TENM4: variants seen among roughly 807,000 people sequenced by gnomAD.
The protein encoded by TENM4 is teneurin transmembrane protein 4, also known as teneurin-4.
A neutral mutation model predicts 243.3 loss-of-function variants in TENM4; 82 were observed. That is an observed-to-expected ratio of 0.34 (90% CI 0.28 to 0.40). The LOEUF (loss-of-function observed/expected upper bound fraction) is 0.40. TENM4 is among the 10% of genes least tolerant of loss of function. The pLI, the probability that TENM4 is intolerant of heterozygous loss-of-function variation, is 1.00. For missense variants in TENM4, 3,138 were observed against 3,673.3 expected (o/e 0.85, Z 3.77); for synonymous variants, 1,412 against 1,456.3 (o/e 0.97, Z 0.69).
chr11:78,843,269 ACT>A (rs1481705871), intron 12 of TENM4, among the ~76,000 whole-genome samples: 3 of 151,632 alleles, frequency 2.0e-5, no homozygotes, highest in African/African-American at 4.9e-5. Context: ...CAAGAATGAG[ACT>A]CTGTCTCAAA....
intron 6 of TENM4, among the ~76,000 whole-genome samples, chr11:79,054,209 G>A: frequency 6.6e-6 from 1 of 152,152 alleles, no homozygotes; most frequent in Non-Finnish European, 1.5e-5. Flanking sequence ...AGGGAACTGG[G>A]AGAGGAGAGA....
intron 4 of TENM4, among the ~76,000 whole-genome samples, chr11:79,125,232 T>C (rs1164536604): frequency 6.6e-6 from 1 of 152,136 alleles, no homozygotes; most frequent in Admixed American, 6.5e-5. Context: ...CCTAATACTT[T>C]TGAACATATG....
At chr11:78,757,452 C>T (rs1432435223) in intron 18 of TENM4, among the ~76,000 whole-genome samples, 1 of 152,224 alleles carries the variant, frequency 6.6e-6, no homozygotes, top group Non-Finnish European at 1.5e-5. Context: ...GTTTGAATTT[C>T]ACCCTCAGAA....
intron 10 of TENM4, among the ~76,000 whole-genome samples, chr11:78,858,662 T>C (rs1296313557): frequency 6.6e-6 from 1 of 152,212 alleles, no homozygotes; most frequent in Non-Finnish European, 1.5e-5. Flanking sequence ...CACAAAGCTG[T>C]GAGCACTAGG....
chr11:78,765,503 A>C (rs1455901819), intron 18 of TENM4, among the ~76,000 whole-genome samples: 2 of 152,230 alleles, frequency 1.3e-5, no homozygotes, highest in African/African-American at 4.8e-5. Context: ...TATCTATTGC[A>C]ACCCATGATT....
chr11:79,015,015 C>G (rs1208848443), intron 6 of TENM4, among the ~76,000 whole-genome samples: 1 of 152,220 alleles, frequency 6.6e-6, no homozygotes, highest in African/African-American at 2.4e-5. Context: ...TCTCCAGGCC[C>G]TGGCAGAGGG....
intron 10 of TENM4, among the ~76,000 whole-genome samples, chr11:78,857,571 G>C (rs1279168378): frequency 6.6e-6 from 1 of 152,088 alleles, no homozygotes; most frequent in African/African-American, 2.4e-5. Context: ...CAGGTTTTTA[G>C]CTTCAAACTG....
At chr11:79,197,518 A>G (rs1428102496) in intron 3 of TENM4, among the ~76,000 whole-genome samples, 1 of 152,110 alleles carries the variant, frequency 6.6e-6, no homozygotes. Flanking sequence ...CTGACCCCCA[A>G]GTTCACAAGT....
intron 1 of TENM4, among the ~76,000 whole-genome samples, chr11:79,381,125 C>A (rs1014692582): frequency 6.6e-6 from 1 of 152,062 alleles, no homozygotes; most frequent in African/African-American, 2.4e-5. Flanking sequence ...GGTCAGATAG[C>A]CCTTCTGACC....
chr11:78,942,798 T>G (rs886384421), intron 6 of TENM4, among the ~76,000 whole-genome samples: 1 of 145,980 alleles, frequency 6.9e-6, no homozygotes, highest in East Asian at 1.9e-4. Context: ...TTTATTATCC[T>G]TATTTCATGA....
chr11:78,830,298 G>A (rs1383769460), intron 12 of TENM4, among the ~76,000 whole-genome samples: 1 of 151,890 alleles, frequency 6.6e-6, no homozygotes, highest in Non-Finnish European at 1.5e-5. Context: ...CATGACCAGG[G>A]AGGCTGTTCT....
At chr11:78,899,861 A>T (rs1193947140) in intron 7 of TENM4, among the ~76,000 whole-genome samples, 1 of 152,142 alleles carries the variant, frequency 6.6e-6, no homozygotes, top group Non-Finnish European at 1.5e-5. Flanking sequence ...TGCTTGTGTC[A>T]TATTTCTTGT....
intron 10 of TENM4, among the ~76,000 whole-genome samples, chr11:78,861,246 A>G (rs968951590): frequency 6.6e-6 from 1 of 152,256 alleles, no homozygotes; most frequent in Non-Finnish European, 1.5e-5. Context: ...GGTTACTTAC[A>G]TGATTCTATT....
chr11:79,437,422 G>A (rs565500419), intron 1 of TENM4, among the ~76,000 whole-genome samples: 2 of 152,244 alleles, frequency 1.3e-5, no homozygotes, highest in South Asian at 2.1e-4. Context: ...GGAGAAAGGC[G>A]CGGCCGGGAC....
intron 28 of TENM4, among the ~76,000 whole-genome samples, chr11:78,689,842 T>C (rs1012355675): frequency 6.6e-6 from 1 of 152,238 alleles, no homozygotes; most frequent in Admixed American, 6.5e-5. Flanking sequence ...GAGGCATTGG[T>C]AGAGGTCTTC....
At chr11:79,367,588 A>G (rs969348899) in intron 1 of TENM4, among the ~76,000 whole-genome samples, 1 of 152,206 alleles carries the variant, frequency 6.6e-6, no homozygotes, top group African/African-American at 2.4e-5. Flanking sequence ...AAAGGAAAAA[A>G]TATATTATTA....
At chr11:78,758,216 C>T (rs1222934902) in intron 18 of TENM4, among the ~76,000 whole-genome samples, 1 of 152,198 alleles carries the variant, frequency 6.6e-6, no homozygotes, top group Non-Finnish European at 1.5e-5. Flanking sequence ...CTTTGGGAAA[C>T]TTCCTCACCA....
At chr11:79,102,137 T>G (rs1861247920) in intron 4 of TENM4, among the ~76,000 whole-genome samples, 1 of 152,236 alleles carries the variant, frequency 6.6e-6, no homozygotes, top group South Asian at 2.1e-4. Flanking sequence ...TGAGTTGGTA[T>G]GTACAGTGAT....
rs1860697285 is a variant in TENM4, at chr11:79,082,345, T to G, written c.-65-12336A>C. On this transcript the variant is annotated intron_variant, in intron 4 of 33. Transcript: ENST00000278550. Reference sequence around the variant, plus strand: ...CAGGTTTGTGAAGGGGGCAACTGATTGTGCCCTCCTGATGCTGCTTGAAAT... The same window carrying G: ...CAGGTTTGTGAAGGGGGCAACTGATGGTGCCCTCCTGATGCTGCTTGAAAT... Among the ~76,000 whole-genome samples the G allele has an allele frequency of 4.6e-5, 7 of 152,264 alleles. No individual in the cohort carries two copies. In the South Asian group the frequency reaches 1.5e-3, roughly 32 times the overall value.
Sources: allele counts gnomAD v4.1 joint callset (sites outside exome capture counted in the v4.1 genomes callset), GRCh38; gene constraint gnomAD v4.1.1; transcripts MANE v1.5; gene names NCBI Gene and HGNC (gene_info 2026-07-23, HGNC 2026-07-21).